The following FHL3 variants were observed in gnomAD, a reference collection of about 807,000 sequenced individuals.
FHL3 encodes four and a half LIM domains 3.
Under a neutral mutation model 34.3 loss-of-function variants are expected in FHL3, and 21 were observed. The ratio of observed to expected loss-of-function variants is 0.61; its 90% CI spans 0.43 to 0.88. FHL3 has a LOEUF of 0.88. Among genes scored for constraint, FHL3 ranks in the 40% least tolerant of loss-of-function variants. The pLI is 0.00. For missense variants in FHL3, 333 were observed against 373.7 expected (o/e 0.89, Z 0.90); for synonymous variants, 137 against 144.6 (o/e 0.95, Z 0.38).
rs879098311 is a variant in FHL3, at chr1:37,997,031, C to T, written c.*374G>A. 2.1e-5 allele frequency: 4 copies of T among 188,848 alleles called. No individual in the cohort carries two copies. In the South Asian group the frequency reaches 4.0e-4, roughly 19 times the overall value. The allele number at this position is 188,848 out of a possible 1,614,324, so 11.7% of individuals were successfully genotyped here. A position where few individuals can be genotyped will look rare whatever the true frequency, so the allele number is the denominator to read the frequency against. ...GGACTTCCCAGGCACCCATAGGAGA[C>T]CTGAAACCTATAAAGAGAAGTCTAG... On this transcript the variant is annotated 3_prime_UTR_variant, in exon 6 of 6. Transcript: ENST00000373016. This position sits in a 1 kb window ranked among gnomAD's most constrained non-coding sequence, Gnocchi z 4.3.
In FHL3 at chr1:37,997,691, G is replaced by A; in HGVS notation, c.681C>T (p.Pro227=). ...FAPKCSSCKR[P]IVGLGGGKYV... ...CTTTGACCCTTGTCCCACCTACGAT[G>A]GGGCGCTTGCAGCTGCTGCACTTAG... is the stretch of plus-strand genomic sequence containing the variant. Residue 227 remains proline, a synonymous_variant, in exon 5 of 6, where the codon CCC becomes CCT. Transcript: ENST00000373016. The surrounding 1 kb of genome is among the most constrained non-coding windows in gnomAD (Gnocchi z 4.3). The A allele has an allele frequency of 6.2e-7, 1 of 1,614,078 alleles. No individual in the cohort carries two copies. Among genetic ancestry groups the A allele is most frequent in the Non-Finnish European group, 8.5e-7 (1 of 1,179,976 alleles).
At chr1:38,001,615 G>A (rs541533539) in intron 1 of FHL3, among the ~76,000 whole-genome samples, 1 of 152,294 alleles carries the variant, frequency 6.6e-6, no homozygotes, top group East Asian at 1.9e-4. Flanking sequence ...CCTTTTCCCT[G>A]GCAAGGCTGG....
Position 37,997,380 on chromosome 1 carries a change from A to C in FHL3, c.*25T>G. On this transcript the variant is annotated 3_prime_UTR_variant, in exon 6 of 6. Coordinates refer to ENST00000373016, the MANE Select transcript of FHL3 (RefSeq NM_004468.5). The surrounding 1 kb of genome is among the most constrained non-coding windows in gnomAD (Gnocchi z 4.3). ...CACAGTCCTGGGCCCGTGGTATGGG[A>C]AAGCCTGGGTCCAGGAGCCCTGGCT... is the stretch of plus-strand genomic sequence containing the variant. 6.3e-7 allele frequency: 1 copy of C among 1,595,676 alleles called. No individual in the cohort carries two copies. Among genetic ancestry groups the C allele is most frequent in the South Asian group, 1.1e-5 (1 of 90,768 alleles).
intron 1 of FHL3, among the ~76,000 whole-genome samples, chr1:38,003,082 G>GA (rs1646611629): frequency 6.6e-6 from 1 of 151,954 alleles, no homozygotes; most frequent in Admixed American, 6.6e-5. Context: ...TGCTTGAACC[G>GA]AGGAGGTGAA....
At chr1:38,003,465 G>A (rs1646614953) in intron 1 of FHL3, among the ~76,000 whole-genome samples, 1 of 152,186 alleles carries the variant, frequency 6.6e-6, no homozygotes, top group South Asian at 2.1e-4. Context: ...GGGGGCCCCA[G>A]GCCCATGGGG....
rs1479695635 is a variant in FHL3 at position 37,999,488 on chromosome 1, C to T, written c.-20-56G>A. 3.2e-6 allele frequency: 5 copies of T among 1,554,758 alleles called. No homozygotes were observed. In the South Asian group the frequency reaches 5.9e-5, roughly 18 times the overall value. On this transcript the variant is annotated intron_variant, in intron 1 of 5. Coordinates refer to ENST00000373016, the MANE Select transcript of FHL3 (RefSeq NM_004468.5). ...ACACAGAGAGGCTGTGGCTTGGCTC[C>T]TGGCAAAGAGGCCTCTGCATTCAAA...
At chr1:38,004,575 T>C (rs1291950255) in intron 1 of FHL3, among the ~76,000 whole-genome samples, 3 of 152,170 alleles carry the variant, frequency 2.0e-5, no homozygotes, top group Non-Finnish European at 4.4e-5. Context: ...TTTGGACGGC[T>C]CTGTATCTTG....
At chr1:37,998,539 T>A (rs546775683) in intron 3 of FHL3, among the ~76,000 whole-genome samples, 2 of 152,270 alleles carry the variant, frequency 1.3e-5, no homozygotes, top group East Asian at 1.9e-4. Context: ...GCCCTGGGCA[T>A]GACAGGTTCG....
intron 1 of FHL3, among the ~76,000 whole-genome samples, chr1:38,004,321 T>C (rs1214602797): frequency 6.6e-6 from 1 of 152,042 alleles, no homozygotes; most frequent in African/African-American, 2.4e-5. Flanking sequence ...TGCGTGGGGC[T>C]CTTCTTGATC....
rs1176485177 is a variant in FHL3 at position 37,997,451 on chromosome 1, T to C, written c.797A>G (p.Asp266Gly). Residue 266 changes from aspartate (D) to glycine (G), a missense_variant, in exon 6 of 6, where the codon GAT becomes GGT. By Grantham distance (94) the Asp-to-Gly change is moderately conservative. Transcript: ENST00000373016. This position sits in a 1 kb window ranked among gnomAD's most constrained non-coding sequence, Gnocchi z 4.3. ...GCCCTGGCAGAGCACTTGGTCTCCA[T>C]CCGGTACGAAGCCCTGGCCCACCAG... ...TSLVGQGFVP[D>G]GDQVLCQGCS... 6.2e-7 allele frequency: 1 copy of C among 1,613,856 alleles called. No individual in the cohort carries two copies. The highest frequency in any genetic ancestry group is 2.2e-5 in the East Asian group (1 of 44,870).
chr1:37,999,853 A>G (rs1297281208), intron 1 of FHL3, among the ~76,000 whole-genome samples: 1 of 152,226 alleles, frequency 6.6e-6, no homozygotes, highest in East Asian at 1.9e-4. Flanking sequence ...CCTGACTCCC[A>G]GGAAGGGACT....
intron 1 of FHL3, among the ~76,000 whole-genome samples, chr1:38,003,722 G>A (rs1270369938): frequency 6.6e-6 from 1 of 152,130 alleles, no homozygotes; most frequent in Non-Finnish European, 1.5e-5. Context: ...TCATGCCCAA[G>A]GTCCCGATCA....
intron 2 of FHL3, 54 bp downstream of exon 2, chr1:37,999,203 G>A: frequency 6.2e-7 from 1 of 1,613,742 alleles, no homozygotes; most frequent in Admixed American, 1.7e-5. Context: ...CCCATCCTTT[G>A]CCCCCTTCCA....
chr1:37,999,818 C>A (rs1646575373), intron 1 of FHL3, among the ~76,000 whole-genome samples: 1 of 152,322 alleles, frequency 6.6e-6, no homozygotes, highest in South Asian at 2.1e-4. Flanking sequence ...CACTCTACTC[C>A]TTATGAGCAG....
chr1:37,999,226 C>T (rs1646568202), intron 2 of FHL3, 31 bp downstream of exon 2: 2 of 1,613,934 alleles, frequency 1.2e-6, no homozygotes, highest in Non-Finnish European at 1.7e-6. Context: ...GGTCACCACC[C>T]ACCTCCTGCC....
intron 1 of FHL3, among the ~76,000 whole-genome samples, chr1:38,002,777 G>GT (rs552121718): frequency 0.056 from 7,876 of 139,996 alleles, 504 homozygotes; most frequent in African/African-American, 0.17. Context: ...CAGCCTTTTT[G>GT]TTTTTTTTTT....
intron 1 of FHL3, among the ~76,000 whole-genome samples, chr1:38,003,625 T>A (rs1473832962): frequency 5.9e-5 from 9 of 152,034 alleles, no homozygotes; most frequent in Non-Finnish European, 8.8e-5. Flanking sequence ...CCCACCACAA[T>A]CTCATCAGAT....
At position 37,998,102 on chromosome 1, in the gene FHL3, G is replaced by A. The variant is rs150056091; in HGVS notation, c.362C>T (p.Thr121Ile). Reference sequence around the variant, plus strand: ...GCACAGGAAGCAGTGCTCATGCCATGTCTGGCCTCCATATTCCAGCTTCCG... The same window carrying A: ...GCACAGGAAGCAGTGCTCATGCCATATCTGGCCTCCATATTCCAGCTTCCG... ...GSRKLEYGGQ[T>I]WHEHCFLCSG... Residue 121 changes from threonine to isoleucine, a missense_variant, in exon 4 of 6, where the codon ACA becomes ATA. Physicochemically the swap from Thr to Ile is moderately conservative, Grantham distance 89 (BLOSUM62 -1). Transcript: ENST00000373016. The A allele has an allele frequency of 6.8e-5, 110 of 1,613,968 alleles. No homozygotes were observed. The highest frequency in any genetic ancestry group is 1.6e-4 in the Middle Eastern group (1 of 6,082).
intron 1 of FHL3, among the ~76,000 whole-genome samples, chr1:37,999,939 G>C (rs745360271): frequency 6.6e-6 from 1 of 152,236 alleles, no homozygotes; most frequent in Non-Finnish European, 1.5e-5. Context: ...GGCTGTGCCT[G>C]CCCCTCCTGA....
Sources: gnomAD v4.1 joint callset for allele counts (sites outside exome capture counted in the v4.1 genomes callset) on GRCh38, gnomAD v4.1.1 for gene constraint, Gnocchi (gnomAD v3.1) non-coding constraint, MANE v1.5 for transcripts, NCBI Gene and HGNC (gene_info 2026-07-23, HGNC 2026-07-21) for gene names.